The following HDAC9 variants were observed in gnomAD, a reference collection of about 807,000 sequenced individuals.
HDAC9 encodes histone deacetylase 9.
A neutral mutation model predicts 139.4 loss-of-function variants in HDAC9; 41 were observed. That is an observed-to-expected ratio of 0.29 (90% CI 0.23 to 0.38). HDAC9 has a LOEUF of 0.38. Ranked by LOEUF, HDAC9 falls within the 10% of genes least tolerant of loss-of-function variation. The pLI, the probability that HDAC9 is intolerant of heterozygous loss-of-function variation, is 1.00. For missense variants in HDAC9, 1,147 were observed against 1,297.0 expected (o/e 0.88, Z 1.78); for synonymous variants, 517 against 476.2 (o/e 1.09, Z -1.12).
intron 2 of HDAC9, among the ~76,000 whole-genome samples, chr7:18,576,327 A>G (rs928540291): frequency 2.0e-5 from 3 of 152,314 alleles, no homozygotes; most frequent in African/African-American, 2.4e-5. Flanking sequence ...TTAATAAAAC[A>G]GGCAGCAGTG....
chr7:18,604,717 C>G (rs1834974010), intron 6 of HDAC9, among the ~76,000 whole-genome samples: 1 of 152,058 alleles, frequency 6.6e-6, no homozygotes, highest in South Asian at 2.1e-4. Flanking sequence ...TTTTAAATTT[C>G]TACTGCTGTG....
intron 1 of HDAC9, among the ~76,000 whole-genome samples, chr7:18,425,149 T>G (rs1343772264): frequency 6.6e-6 from 1 of 152,220 alleles, no homozygotes; most frequent in Non-Finnish European, 1.5e-5. Flanking sequence ...TGGCTTTTTC[T>G]GAAGTTAATT....
rs1801248591 is a variant in HDAC9 at position 18,896,866 on chromosome 7, A to G, written c.2803+22270A>G. On this transcript the variant is annotated intron_variant, in intron 22 of 25. Transcript: ENST00000686413. ...AAATTCCACTGTTGAAACTTTTACT[A>G]CAATGGGTATCTATGGAGAAATAGT... is the stretch of plus-strand genomic sequence containing the variant. Among the ~76,000 whole-genome samples the G allele has an allele frequency of 2.6e-5, 4 of 152,042 alleles. No homozygotes were observed. The South Asian group carries it at 8.3e-4, about 31-fold the overall frequency.
At chr7:18,222,192 T>C (rs895889873) in intron 2 of HDAC9, among the ~76,000 whole-genome samples, 1 of 152,232 alleles carries the variant, frequency 6.6e-6, no homozygotes, top group African/African-American at 2.4e-5. Context: ...CTTAATCTGG[T>C]TCATAATTCT....
intron 1 of HDAC9, among the ~76,000 whole-genome samples, chr7:18,129,915 C>G (rs539871398): frequency 5.3e-5 from 8 of 152,218 alleles, no homozygotes; most frequent in African/African-American, 1.9e-4. Context: ...GTCACCCACT[C>G]TAGAATGGAT....
At chr7:18,292,522 T>C (rs1398865161) in intron 1 of HDAC9, among the ~76,000 whole-genome samples, 1 of 152,104 alleles carries the variant, frequency 6.6e-6, no homozygotes, top group South Asian at 2.1e-4. Flanking sequence ...AGCTGGAAAT[T>C]TGTCATAAAT....
rs1786724525 is a variant in HDAC9, at chr7:19,001,069, T to C, written c.*5007T>C. On this transcript the variant is annotated 3_prime_UTR_variant, in exon 26 of 26. Transcript: ENST00000686413. ...TGGTCTACAATTTTGGACTTGGCAG[T>C]TTGTTTTACTAATGCAGAATTATTC... 6.6e-6 allele frequency: 1 copy of C among 152,198 alleles called. No homozygotes were observed. The highest frequency in any genetic ancestry group is 2.4e-5 in the African/African-American group (1 of 41,460). 9.4% of individuals were successfully genotyped at this position (152,198 alleles called of 1,614,324 possible). A position where few individuals can be genotyped will look rare whatever the true frequency, so the allele number is the denominator to read the frequency against.
chr7:18,557,014 T>C (rs538746509), intron 2 of HDAC9, among the ~76,000 whole-genome samples: 11 of 152,170 alleles, frequency 7.2e-5, no homozygotes, highest in Non-Finnish European at 1.2e-4. Flanking sequence ...TTAATATCTT[T>C]TAATGAGAAA....
chr7:18,515,617 T>TA (rs1802936368), intron 2 of HDAC9, among the ~76,000 whole-genome samples: 1 of 152,354 alleles, frequency 6.6e-6, no homozygotes, highest in African/African-American at 2.4e-5. Context: ...AAGAGCATTA[T>TA]AATTTTGGAG....
At chr7:18,793,606 A>C (rs1160939709) in intron 17 of HDAC9, among the ~76,000 whole-genome samples, 154 bp downstream of exon 17, 1 of 152,190 alleles carries the variant, frequency 6.6e-6, no homozygotes, top group Non-Finnish European at 1.5e-5. Context: ...ATAATAACTC[A>C]TCTGTAGGCA....
At chr7:18,300,469 T>C (rs926452344) in intron 1 of HDAC9, among the ~76,000 whole-genome samples, 1 of 152,134 alleles carries the variant, frequency 6.6e-6, no homozygotes, top group Non-Finnish European at 1.5e-5. Flanking sequence ...TAAAAGCAGG[T>C]TGTATAAGCC....
At position 18,590,290 on chromosome 7, in the gene HDAC9, A is replaced by G. The variant is rs754149103; in HGVS notation, c.265-46A>G. ...TCAGTTTTGGTCAGTGATGACTATG[A>G]AGCCTAAAGAAATTGCACACTCTCA... On this transcript the variant is annotated intron_variant, in intron 3 of 25. Transcript: ENST00000686413. 2.5e-6 allele frequency: 4 copies of G among 1,601,342 alleles called. No homozygotes were observed. In the South Asian group the frequency reaches 4.5e-5, roughly 18 times the overall value.
intron 1 of HDAC9, among the ~76,000 whole-genome samples, chr7:18,368,396 C>G (rs983512101): frequency 6.6e-6 from 1 of 151,942 alleles, no homozygotes; most frequent in Non-Finnish European, 1.5e-5. Context: ...AACCGGTGAT[C>G]GGCAGTGCCA....
intron 5 of HDAC9, 63 bp from the exon 6 acceptor site, chr7:18,593,845 A>T (rs2128839821): frequency 1.3e-6 from 2 of 1,577,554 alleles, no homozygotes; most frequent in East Asian, 4.5e-5. Flanking sequence ...GCAGCTGATT[A>T]TTGCTGACCA....
chr7:18,489,125 C>G (rs1270499925), intron 1 of HDAC9, among the ~76,000 whole-genome samples: 1 of 152,012 alleles, frequency 6.6e-6, no homozygotes, highest in African/African-American at 2.4e-5. Context: ...AAGAAGGAAT[C>G]ATTTATTCAT....
chr7:18,440,993 G>A lies in HDAC9; in HGVS notation c.-41-55269G>A, dbSNP rs139093242. 1.8e-4 allele frequency among the ~76,000 whole-genome samples: 28 copies of A among 152,270 alleles called. No individual in the cohort carries two copies. The East Asian group carries it at 5.0e-3, about 27-fold the overall frequency. ...TAAGTGCATTAGGGACACGAGATTT[G>A]GCTTCTAGTTCCAGATTTATCACTG... On this transcript the variant is annotated intron_variant, in intron 1 of 3. Coordinates refer to the HDAC9 transcript ENST00000413509.
At chr7:18,836,706 C>T (rs1410210712) in intron 21 of HDAC9, among the ~76,000 whole-genome samples, 1 of 152,106 alleles carries the variant, frequency 6.6e-6, no homozygotes. Flanking sequence ...CATTTCTTCT[C>T]TGGAATTAAG....
chr7:18,867,420 T>C (rs147531023), intron 21 of HDAC9, among the ~76,000 whole-genome samples: 1 of 152,322 alleles, frequency 6.6e-6, no homozygotes, highest in Non-Finnish European at 1.5e-5. Context: ...AAAGGGAGCA[T>C]TGAACATAAA....
intron 2 of HDAC9, among the ~76,000 whole-genome samples, chr7:18,231,605 A>G (rs1793465610): frequency 6.6e-6 from 1 of 152,208 alleles, no homozygotes; most frequent in African/African-American, 2.4e-5. Context: ...AGTATGAATG[A>G]GTGCTAATTA....
Sources: allele counts gnomAD v4.1 joint callset (sites outside exome capture counted in the v4.1 genomes callset), GRCh38; gene constraint gnomAD v4.1.1; transcripts MANE v1.5; gene names NCBI Gene and HGNC (gene_info 2026-07-23, HGNC 2026-07-21).